The following ZFYVE26 variants were observed in gnomAD, a reference collection of about 807,000 sequenced individuals.
ZFYVE26 encodes zinc finger FYVE domain-containing protein 26.
A neutral mutation model predicts 276.5 loss-of-function variants in ZFYVE26; 181 were observed. That is an observed-to-expected ratio of 0.65 (90% confidence interval 0.58 to 0.74). The LOEUF is 0.74. Among genes scored for constraint, ZFYVE26 ranks in the 30% least tolerant of loss-of-function variants. The pLI, the probability that ZFYVE26 is intolerant of heterozygous loss-of-function variation, is 0.00. For missense variants in ZFYVE26, 2,821 were observed against 3,097.9 expected (o/e 0.91, Z 2.12); for synonymous variants, 1,129 against 1,203.1 (o/e 0.94, Z 1.27).
chr14:67,765,081 C>A (rs890800206), intron 32 of ZFYVE26, among the ~76,000 whole-genome samples: 7 of 149,314 alleles, frequency 4.7e-5, no homozygotes, highest in Non-Finnish European at 8.9e-5. Context: ...ATTTTTTATT[C>A]TTTTCATGGT....
chr14:67,789,189 C>A, intron 16 of ZFYVE26, 146 bp downstream of exon 16: 1 of 1,086,516 alleles, frequency 9.2e-7, no homozygotes, highest in Non-Finnish European at 1.4e-6. Flanking sequence ...TGTATTTATG[C>A]CATCAGATTG....
chr14:67,744,486 G>T (rs1450317818), downstream of ZFYVE26, among the ~76,000 whole-genome samples: 1 of 152,082 alleles, frequency 6.6e-6, no homozygotes, highest in Non-Finnish European at 1.5e-5. Flanking sequence ...TGCCGTGGTG[G>T]TCTGCTGCAC....
chr14:67,755,317 A>T (rs1049087584), intron 36 of ZFYVE26, 67 bp from the exon 37 acceptor site: 2 of 1,565,110 alleles, frequency 1.3e-6, no homozygotes, highest in African/African-American at 2.7e-5. Context: ...GTGTGATGAG[A>T]ATTCTCATCT....
intron 23 of ZFYVE26, 60 bp downstream of exon 23, chr14:67,780,181 G>T: frequency 7.0e-7 from 1 of 1,434,706 alleles, no homozygotes; most frequent in Non-Finnish European, 9.7e-7. Flanking sequence ...TATACAGCCA[G>T]CTAAGGGGTT....
chr14:67,780,274 T>TGGGTCCTCAACACAAC lies in ZFYVE26; in HGVS notation c.4625_4640dup (p.Ser1548LeufsTer3). 6.2e-7 allele frequency: 1 copy of TGGGTCCTCAACACAAC among 1,613,920 alleles called. No individual in the cohort carries two copies. The highest frequency in any genetic ancestry group is 1.1e-5 in the South Asian group (1 of 91,050). On this transcript the variant is annotated stop_gained and frameshift_variant, in exon 23 of 42. Coordinates refer to ENST00000347230, the MANE Select transcript of ZFYVE26 (RefSeq NM_015346.4). LOFTEE classifies it high-confidence loss of function. ...CTAGAATCATGTTCATGACAGTTGA[T>TGGGTCCTCAACACAAC]GGGTCCTCAACACAACAGCTCCTCA...
intron 21 of ZFYVE26, among the ~76,000 whole-genome samples, chr14:67,781,837 C>T (rs2039508513): frequency 6.6e-6 from 1 of 152,146 alleles, no homozygotes; most frequent in African/African-American, 2.4e-5. Flanking sequence ...TGAAGCTCTC[C>T]ATGTTTTGGC....
At chr14:67,740,488 TTA>T (rs1472885012) in intron 13 of ZFYVE26, among the ~76,000 whole-genome samples, 1 of 152,172 alleles carries the variant, frequency 6.6e-6, no homozygotes, top group Non-Finnish European at 1.5e-5. Context: ...TTTTGAAAAT[TTA>T]GTTAATTTTA....
chr14:67,766,556 G>C, intron 31 of ZFYVE26, 109 bp from the exon 32 acceptor site: 1 of 1,018,816 alleles, frequency 9.8e-7, no homozygotes, highest in Non-Finnish European at 1.5e-6. Flanking sequence ...AAGGCTGAAA[G>C]ACCCTGGAAG....
At chr14:67,735,019 A>C (rs931450604) in intron 13 of ZFYVE26, among the ~76,000 whole-genome samples, 2 of 152,250 alleles carry the variant, frequency 1.3e-5, no homozygotes, top group African/African-American at 4.8e-5. Flanking sequence ...TAAATCTGAA[A>C]GTTTCCATCA....
Position 67,746,699 on chromosome 14 carries a change from T to C in ZFYVE26, c.*1737A>G, listed in dbSNP as rs2038495569. 6.6e-6 allele frequency: 1 copy of C among 152,492 alleles called. No homozygotes were observed. Among genetic ancestry groups the C allele is most frequent in the Non-Finnish European group, 1.5e-5 (1 of 68,030 alleles). The allele number at this position is 152,492 out of a possible 1,614,324, so 9.4% of individuals were successfully genotyped here. A position where few individuals can be genotyped will look rare whatever the true frequency, so the allele number is the denominator to read the frequency against. On this transcript the variant is annotated 3_prime_UTR_variant, in exon 42 of 42. Coordinates refer to ENST00000347230, the MANE Select transcript of ZFYVE26 (RefSeq NM_015346.4). Reference sequence around the variant, plus strand: ...GCCTATAATTTGATAGTTCAATGAGTTAGAGGAAAATGTCAGGAAAATCTG... The same window carrying C: ...GCCTATAATTTGATAGTTCAATGAGCTAGAGGAAAATGTCAGGAAAATCTG...
downstream of ZFYVE26, among the ~76,000 whole-genome samples, chr14:67,743,328 A>G (rs2038440963): frequency 6.6e-6 from 1 of 151,946 alleles, no homozygotes; most frequent in South Asian, 2.1e-4. Flanking sequence ...CTGTCTCTAC[A>G]AAAAATACAA....
rs1038837946 is a variant in ZFYVE26 at position 67,762,225 on chromosome 14, G to A, written c.6347C>T (p.Thr2116Ile). 6.2e-7 allele frequency: 1 copy of A among 1,614,022 alleles called. No homozygotes were observed. Among genetic ancestry groups the A allele is most frequent in the African/African-American group, 1.3e-5 (1 of 74,886 alleles). The change falls in exon 34 of 42, where the codon ACA becomes ATA. Residue 2116 changes from threonine to isoleucine, a missense_variant. Physicochemically the swap from Thr to Ile is moderately conservative, Grantham distance 89 (BLOSUM62 -1). Transcript: ENST00000347230. ...TACCAAGGATACAAAGGGCCTCACT[G>A]TGGACTCTAGGTACTCAACCACATC... ...VQDVVEYLESTVRPFVSLQDD... is the reference protein window; with the variant it reads ...VQDVVEYLESIVRPFVSLQDD...
At chr14:67,757,112 C>G (rs771099452) in intron 35 of ZFYVE26, among the ~76,000 whole-genome samples, 1 of 152,180 alleles carries the variant, frequency 6.6e-6, no homozygotes, top group Non-Finnish European at 1.5e-5. Flanking sequence ...CTTCCCACCA[C>G]CTCCCCTGGA....
At chr14:67,792,681 G>A (rs1045248995) in intron 14 of ZFYVE26, among the ~76,000 whole-genome samples, 2 of 152,044 alleles carry the variant, frequency 1.3e-5, no homozygotes, top group African/African-American at 4.8e-5. Flanking sequence ...GGATGCCGAG[G>A]CGGGTGGATC....
intron 3 of ZFYVE26, among the ~76,000 whole-genome samples, chr14:67,809,561 T>A (rs1009980792): frequency 2.6e-5 from 4 of 151,562 alleles, no homozygotes; most frequent in African/African-American, 9.7e-5. Flanking sequence ...TAGCTGGGAT[T>A]ACAGGTGCGC....
chr14:67,751,130 G>A, intron 40 of ZFYVE26, 34 bp from the exon 41 acceptor site: 1 of 1,613,844 alleles, frequency 6.2e-7, no homozygotes, highest in Non-Finnish European at 8.5e-7. Flanking sequence ...GTGAGAGGGA[G>A]AAGAGTCCCG....
At chr14:67,731,260 G>A (rs561221234) in intron 13 of ZFYVE26, among the ~76,000 whole-genome samples, 11 of 136,314 alleles carry the variant, frequency 8.1e-5, no homozygotes, top group African/African-American at 2.7e-4. Context: ...TGTTGCCCAG[G>A]CTGGAGTGCA....
At chr14:67,784,590 A>T (rs2039599951) in intron 19 of ZFYVE26, among the ~76,000 whole-genome samples, 154 bp from the exon 20 acceptor site, 2 of 152,218 alleles carry the variant, frequency 1.3e-5, no homozygotes, top group Admixed American at 1.3e-4. Context: ...TATTCTCAAC[A>T]TGAACCTGAC....
chr14:67,774,055 A>G (rs1377594620), intron 27 of ZFYVE26, among the ~76,000 whole-genome samples: 2 of 152,162 alleles, frequency 1.3e-5, no homozygotes, highest in African/African-American at 4.8e-5. Context: ...ACTAGATTGC[A>G]TATTTGTAAA....
Sources: gnomAD v4.1 joint callset for allele counts (sites outside exome capture counted in the v4.1 genomes callset) on GRCh38, gnomAD v4.1.1 for gene constraint, MANE v1.5 for transcripts, NCBI Gene and HGNC (gene_info 2026-07-23, HGNC 2026-07-21) for gene names.